IL10RB: variants seen among roughly 807,000 people sequenced by gnomAD.
IL10RB encodes interleukin 10 receptor subunit beta.
In IL10RB, 30 loss-of-function variants were observed where a neutral mutation model predicts 38.7. The ratio of observed to expected loss-of-function variants is 0.78; its 90% CI spans 0.58 to 1.05. IL10RB has a LOEUF of 1.05. IL10RB is among the 50% of genes least tolerant of loss of function. The pLI is 0.00. For missense variants in IL10RB, 328 were observed against 397.1 expected (o/e 0.83, Z 1.48); for synonymous variants, 142 against 145.9 (o/e 0.97, Z 0.19).
rs143438625 is a variant in IL10RB at position 33,283,711 on chromosome 21, C to T, written c.646+470C>T. 2.0e-4 allele frequency among the ~76,000 whole-genome samples: 31 copies of T among 152,294 alleles called. 1 individual carries two copies. The East Asian group carries it at 6.0e-3, about 29-fold the overall frequency. ...CAGCCAGTGCTGCCTGATTCAGGGC[C>T]CCTTATATGCAGGAATCCAGGATGT... is the stretch of plus-strand genomic sequence containing the variant. On this transcript the variant is annotated intron_variant, in intron 5 of 6. Coordinates refer to ENST00000290200, the MANE Select transcript of IL10RB (RefSeq NM_000628.5).
chr21:33,287,330 C>G (rs1032047838), intron 5 of IL10RB, among the ~76,000 whole-genome samples: 1 of 134,718 alleles, frequency 7.4e-6, no homozygotes, highest in African/African-American at 3.1e-5. Context: ...GGCCAAGTCT[C>G]TTAGTGCAGG....
chr21:33,272,363 A>G (rs1479168955), intron 2 of IL10RB, among the ~76,000 whole-genome samples: 1 of 152,164 alleles, frequency 6.6e-6, no homozygotes, highest in Non-Finnish European at 1.5e-5. Flanking sequence ...GGAGCAACCA[A>G]ATTGGTTTTG....
At chr21:33,302,160 G>A (rs902002209), downstream of IL10RB, among the ~76,000 whole-genome samples, 8 of 152,210 alleles carry the variant, frequency 5.3e-5, no homozygotes, top group African/African-American at 1.7e-4. Flanking sequence ...AGCCAACAAC[G>A]AACAGGGAAT....
chr21:33,279,297 T>C (rs1989236906), intron 3 of IL10RB, among the ~76,000 whole-genome samples: 1 of 152,190 alleles, frequency 6.6e-6, no homozygotes, highest in South Asian at 2.1e-4. Flanking sequence ...GTTGGAAATA[T>C]ATATGGTTAA....
chr21:33,281,843 G>A (rs2123582190), intron 4 of IL10RB, among the ~76,000 whole-genome samples: 1 of 152,292 alleles, frequency 6.6e-6, no homozygotes, highest in South Asian at 2.1e-4. Flanking sequence ...ACAGCATGAA[G>A]GGCTTTTGAG....
rs575100548 is a variant in IL10RB, at chr21:33,270,365, GGTTT to G, written c.173+1861_173+1864del. On this transcript the variant is annotated intron_variant, in intron 2 of 6. Coordinates refer to ENST00000290200, the MANE Select transcript of IL10RB (RefSeq NM_000628.5). The stretch of plus-strand genomic sequence containing the variant: ...TTTCTTGTTCTGTGCTGTGCTTTTG[GGTTT>G]GTTTGTTTGTTTTTCTTTTTTTTTT... Among the ~76,000 whole-genome samples, 686 of 151,756 alleles carry G rather than the reference GGTTT, an allele frequency of 4.5e-3. 11 individuals are homozygous for G. The highest frequency in any genetic ancestry group is 0.016 in the African/African-American group (656 of 41,422).
chr21:33,268,410 A>C lies in IL10RB; in HGVS notation c.66A>C (p.Pro22=). ...TTTTCATAGCATTGGGAATGGTACC[A>C]CCTCCCGAAAATGTCAGAATGAATT... The part of the protein sequence containing the change: ...CLLVSALGMV[P]PPENVRMNSV... Residue 22 remains proline (P), a synonymous_variant, in exon 2 of 7, where the codon CCA becomes CCC. Transcript: ENST00000290200. 6.2e-7 allele frequency: 1 copy of C among 1,613,488 alleles called. No homozygotes were observed. Among genetic ancestry groups the C allele is most frequent in the Non-Finnish European group, 8.5e-7 (1 of 1,179,422 alleles).
chr21:33,276,532 C>A, intron 2 of IL10RB, 64 bp from the exon 3 acceptor site: 1 of 1,349,638 alleles, frequency 7.4e-7, no homozygotes, highest in Non-Finnish European at 1.1e-6. Context: ...AATTAAGTAC[C>A]AGTCAGCCTC....
intron 1 of IL10RB, among the ~76,000 whole-genome samples, chr21:33,267,347 C>T (rs906221261): frequency 5.9e-5 from 9 of 152,050 alleles, no homozygotes; most frequent in Non-Finnish European, 1.3e-4. Flanking sequence ...GCATTAAACA[C>T]GGGCTATAGG....
intron 1 of IL10RB, chr21:33,308,402 A>T (rs2083003970): frequency 6.6e-6 from 1 of 152,236 alleles, no homozygotes. Flanking sequence ...TATTTGCAAC[A>T]TATTTGCATA....
chr21:33,291,728 C>G (rs1601837360), intron 6 of IL10RB, among the ~76,000 whole-genome samples: 1 of 152,190 alleles, frequency 6.6e-6, no homozygotes, highest in East Asian at 1.9e-4. Flanking sequence ...GCACCACTGC[C>G]CCTTCCAGAG....
At chr21:33,266,559 C>G (rs1203736040) in intron 1 of IL10RB, 45 bp downstream of exon 1, 1 of 1,525,294 alleles carries the variant, frequency 6.6e-7, no homozygotes, top group Non-Finnish European at 8.8e-7. Context: ...ACCGGGAGGC[C>G]CCGCGAGATG....
downstream of IL10RB, among the ~76,000 whole-genome samples, chr21:33,301,560 C>T (rs1363377491): frequency 6.6e-6 from 1 of 152,204 alleles, no homozygotes; most frequent in Non-Finnish European, 1.5e-5. Flanking sequence ...GCTGCAGTTC[C>T]CCTCCTCTTG....
chr21:33,303,123 A>C (rs1601841694), intron 1 of IL10RB, among the ~76,000 whole-genome samples: 1 of 152,176 alleles, frequency 6.6e-6, no homozygotes, highest in Admixed American at 6.5e-5. Context: ...AGCCACGAAG[A>C]CATTGTTATC....
chr21:33,272,373 G>C (rs1182382517), intron 2 of IL10RB, among the ~76,000 whole-genome samples: 1 of 152,094 alleles, frequency 6.6e-6, no homozygotes, highest in African/African-American at 2.4e-5. Context: ...AATTGGTTTT[G>C]GCACCAGAAG....
At chr21:33,293,769 C>T (rs576030345) in intron 6 of IL10RB, among the ~76,000 whole-genome samples, 9 of 150,492 alleles carry the variant, frequency 6.0e-5, no homozygotes, top group East Asian at 5.9e-4. Flanking sequence ...ATCGCGCCAC[C>T]GCACTCCAGC....
intron 2 of IL10RB, among the ~76,000 whole-genome samples, chr21:33,270,216 A>G (rs1319851004): frequency 6.6e-6 from 1 of 152,024 alleles, no homozygotes; most frequent in South Asian, 2.1e-4. Flanking sequence ...CCTGATGTGC[A>G]TTTTCTAGTA....
chr21:33,281,514 C>T (rs1320852478), intron 4 of IL10RB, among the ~76,000 whole-genome samples: 1 of 152,172 alleles, frequency 6.6e-6, no homozygotes, highest in Non-Finnish European at 1.5e-5. Context: ...TGTGACTTAC[C>T]GAGTGTGGAA....
At chr21:33,270,426 G>C (rs1406849166) in intron 2 of IL10RB, among the ~76,000 whole-genome samples, 3 of 151,464 alleles carry the variant, frequency 2.0e-5, no homozygotes, top group Admixed American at 6.6e-5. Context: ...TGTTGCCCAG[G>C]CTGGAGTGCA....
Sources: allele counts gnomAD v4.1 joint callset (sites outside exome capture counted in the v4.1 genomes callset), GRCh38; gene constraint gnomAD v4.1.1; transcripts MANE v1.5; gene names NCBI Gene and HGNC (gene_info 2026-07-23, HGNC 2026-07-21).